ELP3: variants seen among roughly 807,000 people sequenced by gnomAD.
ELP3 encodes the protein elongator complex protein 3.
In ELP3, 56 loss-of-function variants were observed where a neutral mutation model predicts 74.9. That is an observed-to-expected ratio of 0.75 (90% confidence interval 0.60 to 0.93). The LOEUF (loss-of-function observed/expected upper bound fraction) is 0.93. Ranked by LOEUF, ELP3 falls within the 40% of genes least tolerant of loss-of-function variation. ELP3 has a pLI of 0.00. For missense variants in ELP3, 573 were observed against 686.5 expected, an observed-to-expected ratio of 0.83 and a Z score of 1.85; for synonymous variants, 222 against 239.8, an observed-to-expected ratio of 0.93 and a Z score of 0.68.
At chr8:28,157,318 G>A (rs796477889) in intron 11 of ELP3, among the ~76,000 whole-genome samples, 46 of 148,610 alleles carry the variant, frequency 3.1e-4, no homozygotes, top group African/African-American at 1.1e-3. Context: ...GAAACAGCAT[G>A]CAGATGTTCA....
At chr8:28,120,195 C>G (rs942534490) in intron 7 of ELP3, among the ~76,000 whole-genome samples, 2 of 152,148 alleles carry the variant, frequency 1.3e-5, no homozygotes, top group Non-Finnish European at 2.9e-5. Flanking sequence ...ATTTGTACTC[C>G]CACCAATAAT....
At position 28,142,162 on chromosome 8, in the gene ELP3, G is replaced by A. The variant is rs190387458; in HGVS notation, c.1100+4271G>A. On this transcript the variant is annotated intron_variant, in intron 10 of 14. Transcript: ENST00000256398. ...AGGGCAGCAGAAATAGTCTCTATAG[G>A]AAAAATGTAAAGGAGTGATGACAGG... Among the ~76,000 whole-genome samples the A allele has an allele frequency of 3.4e-3, 514 of 152,228 alleles. 1 individual carries two copies. The highest frequency in any genetic ancestry group is 5.4e-3 in the Non-Finnish European group (367 of 68,012).
intron 14 of ELP3, among the ~76,000 whole-genome samples, chr8:28,166,333 AT>A (rs1255397358): frequency 6.6e-6 from 1 of 152,170 alleles, no homozygotes; most frequent in African/African-American, 2.4e-5. Flanking sequence ...AGAAAATATT[AT>A]TTTTTTACAT....
intron 1 of ELP3, among the ~76,000 whole-genome samples, chr8:28,093,957 A>G (rs968434761): frequency 6.6e-6 from 1 of 152,226 alleles, no homozygotes; most frequent in African/African-American, 2.4e-5. Flanking sequence ...GACCAAAATT[A>G]TACTTAGATA....
chr8:28,125,005 AC>A (rs1812516791), intron 7 of ELP3, among the ~76,000 whole-genome samples: 1 of 152,204 alleles, frequency 6.6e-6, no homozygotes, highest in African/African-American at 2.4e-5. Context: ...AGCACATCAA[AC>A]ATCCAACTCA....
At chr8:28,143,317 T>C (rs143576964) in intron 10 of ELP3, among the ~76,000 whole-genome samples, 6 of 152,340 alleles carry the variant, frequency 3.9e-5, no homozygotes, top group Admixed American at 2.6e-4. Flanking sequence ...AGAATATTAC[T>C]AATTATCCAG....
intron 7 of ELP3, among the ~76,000 whole-genome samples, chr8:28,123,652 T>A (rs920981815): frequency 6.6e-6 from 1 of 152,222 alleles, no homozygotes; most frequent in African/African-American, 2.4e-5. Context: ...CTCTCTTCAT[T>A]TATATTGATT....
chr8:28,092,880 G>C (rs1293009507), upstream of ELP3: 10 of 369,608 alleles, frequency 2.7e-5, no homozygotes. Flanking sequence ...GCTTCCTGGC[G>C]CAGCCTCTAT....
At chr8:28,133,459 G>T (rs1812861612) in intron 9 of ELP3, among the ~76,000 whole-genome samples, 1 of 126,862 alleles carries the variant, frequency 7.9e-6, no homozygotes. Flanking sequence ...ATGCCTCTAA[G>T]CTTAGAACTG....
chr8:28,178,838 C>A (rs1040411378), intron 14 of ELP3, among the ~76,000 whole-genome samples: 1 of 152,160 alleles, frequency 6.6e-6, no homozygotes, highest in Non-Finnish European at 1.5e-5. Context: ...AATTTGCGTT[C>A]CCTGATAACT....
chr8:28,186,207 T>C (rs1273149292), intron 14 of ELP3, among the ~76,000 whole-genome samples: 1 of 152,080 alleles, frequency 6.6e-6, no homozygotes, highest in Non-Finnish European at 1.5e-5. Context: ...TGGTGTTTAG[T>C]GGGTACAGAG....
At chr8:28,130,778 G>C (rs568395859) in intron 8 of ELP3, among the ~76,000 whole-genome samples, 30 of 152,314 alleles carry the variant, frequency 2.0e-4, no homozygotes, top group Admixed American at 1.6e-3. Context: ...GAGGCAGAAA[G>C]AAAATAATGA....
At chr8:28,117,011 C>G (rs1812165640) in intron 7 of ELP3, among the ~76,000 whole-genome samples, 1 of 152,138 alleles carries the variant, frequency 6.6e-6, no homozygotes, top group African/African-American at 2.4e-5. Context: ...GCAGGGACAT[C>G]TATGAAGATA....
intron 2 of ELP3, among the ~76,000 whole-genome samples, 155 bp downstream of exon 2, chr8:28,097,473 T>A (rs200001451): frequency 1.3e-5 from 2 of 149,762 alleles, no homozygotes; most frequent in African/African-American, 2.5e-5. Context: ...TTTTTTTTTT[T>A]GCAAGTTCCG....
At chr8:28,096,551 C>T (rs1303341143) in intron 1 of ELP3, among the ~76,000 whole-genome samples, 1 of 152,218 alleles carries the variant, frequency 6.6e-6, no homozygotes. Context: ...ATATGCCCAT[C>T]CTTGAACCAA....
At chr8:28,159,307 G>A (rs1353673104) in intron 12 of ELP3, among the ~76,000 whole-genome samples, 1 of 152,204 alleles carries the variant, frequency 6.6e-6, no homozygotes, top group African/African-American at 2.4e-5. Context: ...TGATATTTCT[G>A]TTCTCAGCAT....
At chr8:28,178,246 G>T (rs1814843517) in intron 14 of ELP3, among the ~76,000 whole-genome samples, 1 of 152,152 alleles carries the variant, frequency 6.6e-6, no homozygotes, top group Admixed American at 6.5e-5. Context: ...TTGCATTGGG[G>T]ATTAAGTTTC....
intron 14 of ELP3, among the ~76,000 whole-genome samples, chr8:28,166,331 T>C (rs1814306145): frequency 6.6e-6 from 1 of 152,194 alleles, no homozygotes; most frequent in Non-Finnish European, 1.5e-5. Context: ...TAAGAAAATA[T>C]TATTTTTTTA....
intron 4 of ELP3, among the ~76,000 whole-genome samples, 157 bp from the exon 5 acceptor site, chr8:28,107,756 C>T (rs1811754177): frequency 6.6e-6 from 1 of 152,126 alleles, no homozygotes; most frequent in Non-Finnish European, 1.5e-5. Context: ...GTAGAAAATA[C>T]ATTATTTACA....
Sources: gnomAD v4.1 joint callset for allele counts (sites outside exome capture counted in the v4.1 genomes callset) on GRCh38, gnomAD v4.1.1 for gene constraint, MANE v1.5 for transcripts, NCBI Gene and HGNC (gene_info 2026-07-23, HGNC 2026-07-21) for gene names.